CWC27: variants seen among roughly 807,000 people sequenced by gnomAD.
The protein encoded by CWC27 is spliceosome-associated protein CWC27 homolog.
Under a neutral mutation model 63.6 loss-of-function variants are expected in CWC27, and 47 were observed. That is an observed-to-expected ratio of 0.74 (90% confidence interval 0.58 to 0.94). The LOEUF (loss-of-function observed/expected upper bound fraction) is 0.94, where lower values mean the gene tolerates loss of function less well. Among genes scored for constraint, CWC27 ranks in the 40% least tolerant of loss-of-function variants. CWC27 has a pLI of 0.00. For synonymous variants in CWC27, 175 were observed against 179.8 expected, an observed-to-expected ratio of 0.97 and a Z score of 0.22; for missense variants, 495 against 554.3, an observed-to-expected ratio of 0.89 and a Z score of 1.07.
intron 11 of CWC27, among the ~76,000 whole-genome samples, chr5:64,948,198 G>C (rs1748628372): frequency 6.6e-6 from 1 of 151,838 alleles, no homozygotes; most frequent in Non-Finnish European, 1.5e-5. Context: ...TTCACTGGTG[G>C]GTTATGAAAT....
At chr5:64,794,486 T>C (rs908530222) in intron 7 of CWC27, among the ~76,000 whole-genome samples, 1 of 152,086 alleles carries the variant, frequency 6.6e-6, no homozygotes, top group Non-Finnish European at 1.5e-5. Flanking sequence ...ATAAGGATTT[T>C]AACATCCTCT....
chr5:64,788,866 G>T, intron 6 of CWC27, 85 bp from the exon 7 acceptor site: 6 of 856,010 alleles, frequency 7.0e-6, no homozygotes, highest in Non-Finnish European at 9.2e-6. Flanking sequence ...TGTAAATTCT[G>T]TTCTCTTGCT....
intron 10 of CWC27, among the ~76,000 whole-genome samples, chr5:64,880,929 C>A (rs1453417642): frequency 7.0e-6 from 1 of 143,554 alleles, no homozygotes; most frequent in Non-Finnish European, 1.5e-5. Flanking sequence ...TTTCTGGACT[C>A]TAAAGTAAGC....
intron 1 of CWC27, among the ~76,000 whole-genome samples, chr5:64,769,606 T>C (rs1306780165): frequency 1.3e-5 from 2 of 152,136 alleles, no homozygotes; most frequent in Non-Finnish European, 2.9e-5. Flanking sequence ...CAAAGATGGA[T>C]GGGTAAGGTA....
chr5:64,961,587 C>T (rs1748913228), intron 11 of CWC27, among the ~76,000 whole-genome samples: 1 of 151,714 alleles, frequency 6.6e-6, no homozygotes, highest in African/African-American at 2.4e-5. Context: ...TTCATTTTAC[C>T]CTTTAATTTC....
intron 7 of CWC27, among the ~76,000 whole-genome samples, chr5:64,791,022 C>G (rs1744060529): frequency 1.3e-5 from 2 of 152,006 alleles, no homozygotes. Flanking sequence ...CAAGACGTCT[C>G]AAAGGTTGGT....
At chr5:64,881,049 G>C (rs929474284) in intron 10 of CWC27, among the ~76,000 whole-genome samples, 2 of 151,832 alleles carry the variant, frequency 1.3e-5, no homozygotes, top group African/African-American at 2.4e-5. Flanking sequence ...ATATTCCAAA[G>C]AATGTAAGAT....
chr5:64,902,565 G>C (rs1387813091), intron 11 of CWC27, among the ~76,000 whole-genome samples: 1 of 151,928 alleles, frequency 6.6e-6, no homozygotes, highest in African/African-American at 2.4e-5. Flanking sequence ...ATTATATATG[G>C]GTCTATTCTG....
Position 64,789,294 on chromosome 5 carries a change from CTG to C in CWC27, c.669+275_669+276del, listed in dbSNP as rs1743993957. Among the ~76,000 whole-genome samples, 4 of 152,010 alleles carry C rather than the reference CTG, an allele frequency of 2.6e-5. No homozygotes were observed. In the South Asian group the frequency reaches 8.3e-4, roughly 31 times the overall value. On this transcript the variant is annotated intron_variant, in intron 7 of 13. Coordinates refer to ENST00000381070, the MANE Select transcript of CWC27 (RefSeq NM_005869.4). ...TTGGACTTTATGATTCAGATCCTAA[CTG>C]CTATTTTTTCAGGTAGTATGTTAGA...
In CWC27 at chr5:65,018,554, G is replaced by A. The variant is rs1258764253; in HGVS notation, c.*233G>A. On this transcript the variant is annotated 3_prime_UTR_variant, in exon 14 of 14. Transcript: ENST00000381070. ...GCTGACCTTTTATATTGCTAAATCT[G>A]AAATAAAATAACTTTCCTTCCACAT... 2.5e-5 allele frequency: 8 copies of A among 324,822 alleles called. No individual in the cohort carries two copies. Among genetic ancestry groups the A allele is most frequent in the African/African-American group, 1.3e-4 (6 of 46,478 alleles). The allele number at this position is 324,822 out of a possible 1,614,324, so 20.1% of individuals were successfully genotyped here. A position where few individuals can be genotyped will look rare whatever the true frequency, so the allele number is the denominator to read the frequency against.
chr5:64,783,868 G>T lies in CWC27; in HGVS notation c.285G>T (p.Arg95=). The change falls in exon 4 of 14, where the codon CGG becomes CGT. Residue 95 remains arginine (R), a synonymous_variant. Transcript: ENST00000381070. ...DEFHSRLRFN[R]RGLVAMANAG... ...TTCATTCACGGTTGCGTTTTAATCGGAGAGGACTGGTTGCCATGGCAAATG... is the reference window on the plus strand; with the variant it reads ...TTCATTCACGGTTGCGTTTTAATCGTAGAGGACTGGTTGCCATGGCAAATG... 6.3e-7 allele frequency: 1 copy of T among 1,593,042 alleles called. No individual in the cohort carries two copies. The highest frequency in any genetic ancestry group is 8.5e-7 in the Non-Finnish European group (1 of 1,172,192).
intron 7 of CWC27, 28 bp from the exon 8 acceptor site, chr5:64,800,220 T>C (rs75942000): frequency 1.4e-4 from 93 of 659,512 alleles, no homozygotes; most frequent in Non-Finnish European, 1.6e-4. Flanking sequence ...ATTTCCCCCC[T>C]CATGATTATA....
chr5:64,830,133 G>A (rs1292557452), intron 10 of CWC27, among the ~76,000 whole-genome samples: 2 of 149,844 alleles, frequency 1.3e-5, no homozygotes, highest in African/African-American at 4.9e-5. Context: ...CCGTTAACTC[G>A]TCATTTACAT....
rs545454410 is a variant in CWC27 at position 64,839,844 on chromosome 5, G to A, written c.938+35458G>A. Among the ~76,000 whole-genome samples, 80 of 152,194 alleles carry A rather than the reference G, an allele frequency of 5.3e-4. 1 individual carries two copies. The South Asian group carries it at 0.016, about 30-fold the overall frequency. On this transcript the variant is annotated intron_variant, in intron 10 of 13. Transcript: ENST00000381070. Reference sequence around the variant, plus strand: ...AACACAGAAAAGATGGGGAAAAGTTGGTTGTGAAAAAAGAAGTGGCAACTT... The same window carrying A: ...AACACAGAAAAGATGGGGAAAAGTTAGTTGTGAAAAAAGAAGTGGCAACTT...
At chr5:64,902,335 C>G (rs1379053304) in intron 11 of CWC27, among the ~76,000 whole-genome samples, 1 of 152,164 alleles carries the variant, frequency 6.6e-6, no homozygotes, top group Non-Finnish European at 1.5e-5. Context: ...TATAATTAAT[C>G]TTATGACACC....
chr5:64,964,047 T>A (rs1748968632), intron 11 of CWC27, among the ~76,000 whole-genome samples: 3 of 152,262 alleles, frequency 2.0e-5, no homozygotes. Context: ...ATTATAAACC[T>A]ATTAGTGGCC....
chr5:64,863,462 C>T (rs994166640), intron 10 of CWC27, among the ~76,000 whole-genome samples: 2 of 151,914 alleles, frequency 1.3e-5, no homozygotes, highest in African/African-American at 4.8e-5. Flanking sequence ...CTCCCTTTCC[C>T]TGTGCTCTTC....
intron 10 of CWC27, among the ~76,000 whole-genome samples, chr5:64,863,921 A>AATCAGTTAC (rs1350367848): frequency 6.6e-6 from 1 of 152,174 alleles, no homozygotes; most frequent in Non-Finnish European, 1.5e-5. Flanking sequence ...TCTTGTCCTG[A>AATCAGTTAC]ATCAGTTACT....
chr5:64,770,920 A>G (rs1743229541), intron 1 of CWC27, among the ~76,000 whole-genome samples: 1 of 152,224 alleles, frequency 6.6e-6, no homozygotes, highest in South Asian at 2.1e-4. Context: ...CATTCAACAA[A>G]TAATGATTGA....
Sources: allele counts gnomAD v4.1 joint callset (sites outside exome capture counted in the v4.1 genomes callset), GRCh38; gene constraint gnomAD v4.1.1; transcripts MANE v1.5; gene names NCBI Gene and HGNC (gene_info 2026-07-23, HGNC 2026-07-21).